The following ZFP62 variants were observed in gnomAD, a reference collection of about 807,000 sequenced individuals.
The protein encoded by ZFP62 is ZFP62 zinc finger protein, also known as zinc finger protein 62 homolog.
Under a neutral mutation model 56.4 loss-of-function variants are expected in ZFP62, and 44 were observed. The ratio of observed to expected loss-of-function variants is 0.78; its 90% CI spans 0.61 to 1.00. The LOEUF (loss-of-function observed/expected upper bound fraction) is 1.00. Ranked by LOEUF, ZFP62 falls within the 50% of genes least tolerant of loss-of-function variation. The pLI, the probability that ZFP62 is intolerant of heterozygous loss-of-function variation, is 0.00. For synonymous variants in ZFP62, 421 were observed against 388.9 expected, an observed-to-expected ratio of 1.08 and a Z score of -0.97; for missense variants, 1,030 against 1,085.7, an observed-to-expected ratio of 0.95 and a Z score of 0.72.
In ZFP62 at chr5:180,849,956, G is replaced by A; in HGVS notation, c.1539C>T (p.Ser513=). The change falls in exon 2 of 2, where the codon TCC becomes TCT. Residue 513 remains serine (S), a synonymous_variant. Coordinates refer to ENST00000502412, the MANE Select transcript of ZFP62 (RefSeq NM_001172638.2). The part of the protein sequence containing the change: ...KPYKCSYCEK[S]FNYSSALEQH... ...GTTCAAGGGCAGAGCTGTAGTTGAA[G>A]GATTTCTCACAATAGCTACATTTAT... The A allele has an allele frequency of 4.5e-6, 7 of 1,551,026 alleles. No homozygotes were observed. The highest frequency in any genetic ancestry group is 6.1e-6 in the Non-Finnish European group (7 of 1,146,848).
At chr5:180,855,348 C>T (rs769528325) in intron 1 of ZFP62, among the ~76,000 whole-genome samples, 1 of 152,180 alleles carries the variant, frequency 6.6e-6, no homozygotes, top group Non-Finnish European at 1.5e-5. Context: ...CTTTGCCATC[C>T]TACTGCCTGT....
rs1399748556 is a variant in ZFP62, at chr5:180,850,446, G to A, written c.1049C>T (p.Ser350Phe). 1.3e-6 allele frequency: 2 copies of A among 1,553,466 alleles called. No homozygotes were observed. The highest frequency in any genetic ancestry group is 2.0e-5 in the Admixed American group (1 of 51,060). Residue 350 changes from serine (S) to phenylalanine (F), a missense_variant, in exon 2 of 2, where the codon TCT becomes TTT. Transcript: ENST00000502412. The part of the protein sequence containing the change: ...DECEKSFNYS[S>F]LLIQHKVIHT... ...GATGACTTTATGCTGAATGAGAAGA[G>A]AGCTATAATTAAAAGATTTCTCACA...
At chr5:180,834,735 T>A in the ZFP62 span, 1 of 152,288 alleles carries the variant, frequency 6.6e-6, no homozygotes, top group Non-Finnish European at 1.5e-5. Flanking sequence ...CCTGATCTTC[T>A]GGTGGGTTTA....
chr5:180,847,679 A>G lies in ZFP62; in HGVS notation c.*1113T>C, dbSNP rs1773456456. ...GCCACAAGGAGCTGGCTTTCATGAC[A>G]AAGAGAGAGTGAGCCCTGAACAAAG... is the stretch of plus-strand genomic sequence containing the variant. On this transcript the variant is annotated 3_prime_UTR_variant, in exon 2 of 2. Coordinates refer to ENST00000502412, the MANE Select transcript of ZFP62 (RefSeq NM_001172638.2). 1.0e-6 allele frequency: 1 copy of G among 985,064 alleles called. No individual in the cohort carries two copies. 61.0% of individuals were successfully genotyped at this position (985,064 alleles called of 1,614,324 possible). A position where few individuals can be genotyped will look rare whatever the true frequency, so the allele number is the denominator to read the frequency against.
intron 1 of ZFP62, among the ~76,000 whole-genome samples, chr5:180,857,509 G>GT (rs1774053771): frequency 6.6e-6 from 1 of 151,872 alleles, no homozygotes; most frequent in Non-Finnish European, 1.5e-5. Context: ...TTTTTTTGTT[G>GT]TTTTTTTGAG....
the ZFP62 span, chr5:180,835,855 T>C: frequency 6.6e-6 from 1 of 152,366 alleles, no homozygotes; most frequent in Middle Eastern, 3.4e-3. Context: ...ATTAAGGTTG[T>C]TTGGCTCTTG....
the ZFP62 span, chr5:180,835,449 A>G: frequency 6.6e-6 from 1 of 152,194 alleles, no homozygotes; most frequent in African/African-American, 2.4e-5. Flanking sequence ...AGGCCATGCC[A>G]CCGGCTTCTC....
At chr5:180,828,951 T>C in the ZFP62 span, among the ~76,000 whole-genome samples, 1 of 152,238 alleles carries the variant, frequency 6.6e-6, no homozygotes, top group African/African-American at 2.4e-5. Flanking sequence ...GTGTCTGTCC[T>C]ATGCGGTAGC....
the ZFP62 span, among the ~76,000 whole-genome samples, chr5:180,839,589 A>G: frequency 6.6e-6 from 1 of 152,188 alleles, no homozygotes; most frequent in Non-Finnish European, 1.5e-5. Context: ...AGAGGGGAAA[A>G]ACAGACACTG....
chr5:180,838,649 T>C, the ZFP62 span, among the ~76,000 whole-genome samples: 2 of 152,192 alleles, frequency 1.3e-5, no homozygotes, highest in East Asian at 1.9e-4. Context: ...TATTCTCAAA[T>C]GGTTCAGGAA....
chr5:180,845,590 A>C, downstream of ZFP62: 1 of 420,536 alleles, frequency 2.4e-6, no homozygotes, highest in Non-Finnish European at 3.2e-6. Flanking sequence ...AAGACAATTG[A>C]AGTACTGTAT....
In ZFP62 at chr5:180,860,977, T is replaced by C. The variant is rs534477191; in HGVS notation, c.1+242A>G. Among the ~76,000 whole-genome samples, 9 of 152,200 alleles carry C rather than the reference T, an allele frequency of 5.9e-5. No individual in the cohort carries two copies. The South Asian group carries it at 1.2e-3, about 21-fold the overall frequency. ...ACGCTGGTCCGTTCAAACGTCGCAG[T>C]TGTGGCCCACACAGAGCCCAGTCTG... On this transcript the variant is annotated intron_variant, in intron 1 of 1. Coordinates refer to ENST00000502412, the MANE Select transcript of ZFP62 (RefSeq NM_001172638.2).
chr5:180,843,580 T>C (rs1294304400), downstream of ZFP62, among the ~76,000 whole-genome samples: 1 of 152,204 alleles, frequency 6.6e-6, no homozygotes, highest in Non-Finnish European at 1.5e-5. Flanking sequence ...AAGGCATTAC[T>C]AGGGATAAAA....
chr5:180,848,045 T>C lies in ZFP62; in HGVS notation c.*747A>G, dbSNP rs1254258220. ...AATACCACTTCCAGGTTATCCCTCA[T>C]CACAAATTCATCATTCATTATGGGA... On this transcript the variant is annotated 3_prime_UTR_variant, in exon 2 of 2. Coordinates refer to ENST00000502412, the MANE Select transcript of ZFP62 (RefSeq NM_001172638.2). 2.0e-6 allele frequency: 2 copies of C among 985,320 alleles called. No homozygotes were observed. Among genetic ancestry groups the C allele is most frequent in the African/African-American group, 3.5e-5 (2 of 57,250 alleles). 61.0% of individuals were successfully genotyped at this position (985,320 alleles called of 1,614,324 possible).
At chr5:180,838,075 A>G in the ZFP62 span, among the ~76,000 whole-genome samples, 2 of 152,232 alleles carry the variant, frequency 1.3e-5, no homozygotes, top group African/African-American at 4.8e-5. Flanking sequence ...AGGAAATCTT[A>G]AATTTCTACT....
At chr5:180,838,532 T>C in the ZFP62 span, among the ~76,000 whole-genome samples, 1 of 152,216 alleles carries the variant, frequency 6.6e-6, no homozygotes, top group Admixed American at 6.5e-5. Flanking sequence ...AATGAATTGA[T>C]GTTGAGTCCC....
At chr5:180,829,798 G>A in the ZFP62 span, among the ~76,000 whole-genome samples, 74 of 152,168 alleles carry the variant, frequency 4.9e-4, no homozygotes, top group Admixed American at 4.3e-3. Context: ...GAAAGCCCCG[G>A]CCATAGTCTT....
Position 180,850,132 on chromosome 5 carries a change from C to T in ZFP62, c.1363G>A (p.Gly455Arg). ...CCTGCATTGTTTCTGAACGTTTTCC[C>T]ACACACATCACATACATAAGGTCTC... is the stretch of plus-strand genomic sequence containing the variant. ...GERPYVCDVCGKTFRNNAGLK... is the reference protein window; with the variant it reads ...GERPYVCDVCRKTFRNNAGLK... The change falls in exon 2 of 2, where the codon GGG becomes AGG. Residue 455 changes from glycine (G) to arginine (R), a missense_variant. Transcript: ENST00000502412. 2 of 1,551,794 alleles carry T rather than the reference C, an allele frequency of 1.3e-6. No homozygotes were observed. The highest frequency in any genetic ancestry group is 1.4e-5 in the African/African-American group (1 of 73,186).
At chr5:180,830,338 T>A in the ZFP62 span, 2 of 152,280 alleles carry the variant, frequency 1.3e-5, no homozygotes, top group African/African-American at 4.8e-5. Context: ...GCACAGTGCC[T>A]CCTCCTGCTC....
Sources: allele counts gnomAD v4.1 joint callset (sites outside exome capture counted in the v4.1 genomes callset), GRCh38; gene constraint gnomAD v4.1.1; transcripts MANE v1.5; gene names NCBI Gene and HGNC (gene_info 2026-07-23, HGNC 2026-07-21).